The following COA1 variants were observed in gnomAD, a reference collection of about 807,000 sequenced individuals.
The protein encoded by COA1 is cytochrome c oxidase assembly factor 1, also known as cytochrome c oxidase assembly factor 1 homolog.
Under a neutral mutation model 16.0 loss-of-function variants are expected in COA1, and 13 were observed. The observed-to-expected ratio is 0.81, with a 90% confidence interval of 0.53 to 1.29. The LOEUF is 1.29. Ranked by LOEUF, COA1 falls within the 50% of genes most tolerant of loss-of-function variation. The probability of loss-of-function intolerance (pLI) is 0.00; values close to 1 mark genes in which losing one functional copy is unlikely to be tolerated. For missense variants in COA1, 179 were observed against 177.0 expected (o/e 1.01, Z -0.06); for synonymous variants, 65 against 65.7 (o/e 0.99, Z 0.05).
At chr7:43,678,433 G>A (rs1026068088) in intron 1 of COA1, among the ~76,000 whole-genome samples, 1 of 152,110 alleles carries the variant, frequency 6.6e-6, no homozygotes, top group African/African-American at 2.4e-5. Flanking sequence ...ATGATTACTT[G>A]GATATGATAT....
At chr7:43,630,948 G>A (rs1343327850) in intron 6 of COA1, among the ~76,000 whole-genome samples, 3 of 152,016 alleles carry the variant, frequency 2.0e-5, no homozygotes, top group Admixed American at 2.0e-4. Context: ...TGAGATCTAT[G>A]TCAGACAATT....
At chr7:43,715,617 T>C (rs75295951) in intron 1 of COA1, among the ~76,000 whole-genome samples, 4,990 of 152,348 alleles carry the variant, frequency 0.033, 105 homozygotes, top group Non-Finnish European at 0.048. Context: ...TCTCATTTCA[T>C]GTTGAAGTAT....
At chr7:43,691,073 A>AAC (rs2094265055) in intron 1 of COA1, among the ~76,000 whole-genome samples, 1 of 44,014 alleles carries the variant, frequency 2.3e-5, no homozygotes, top group Non-Finnish European at 3.8e-5. Flanking sequence ...AAAAAAAAAA[A>AAC]AAAACAAAAA....
chr7:43,674,527 A>C (rs913308902), intron 1 of COA1, among the ~76,000 whole-genome samples: 2 of 152,362 alleles, frequency 1.3e-5, no homozygotes, highest in East Asian at 3.9e-4. Context: ...AGAGTTGGAG[A>C]AATCACCCTA....
intron 1 of COA1, among the ~76,000 whole-genome samples, chr7:43,710,946 A>G (rs1311994048): frequency 6.6e-6 from 1 of 152,158 alleles, no homozygotes; most frequent in Non-Finnish European, 1.5e-5. Context: ...AGCAAGTCAC[A>G]TGGAAGCCTT....
intron 1 of COA1, among the ~76,000 whole-genome samples, chr7:43,686,473 A>G (rs1030369020): frequency 1.3e-5 from 2 of 151,260 alleles, no homozygotes; most frequent in Non-Finnish European, 2.9e-5. Context: ...CGCCCGGCTA[A>G]TTTTTTGTAT....
At chr7:43,719,149 G>A (rs111830951) in intron 1 of COA1, among the ~76,000 whole-genome samples, 16,887 of 151,926 alleles carry the variant, frequency 0.11, 1,054 homozygotes, top group Admixed American at 0.19. Flanking sequence ...TGTATTTTTA[G>A]TAGAGACGAG....
intron 1 of COA1, among the ~76,000 whole-genome samples, chr7:43,692,058 T>TTA (rs1276483538): frequency 1.3e-5 from 2 of 152,132 alleles, no homozygotes; most frequent in Non-Finnish European, 2.9e-5. Context: ...GGCCCCCAGC[T>TTA]TAGTATGGTT....
intron 1 of COA1, among the ~76,000 whole-genome samples, chr7:43,681,681 GACAC>G (rs1357938233): frequency 6.6e-6 from 1 of 152,176 alleles, no homozygotes; most frequent in Admixed American, 6.5e-5. Flanking sequence ...TGTACAGGCT[GACAC>G]ACACAGTCCA....
intron 1 of COA1, among the ~76,000 whole-genome samples, chr7:43,726,272 T>C (rs889232495): frequency 1.3e-5 from 2 of 152,196 alleles, no homozygotes; most frequent in Non-Finnish European, 2.9e-5. Flanking sequence ...TGAACACTCT[T>C]AGGCTAAATA....
intron 6 of COA1, among the ~76,000 whole-genome samples, chr7:43,617,195 C>T (rs1250660891): frequency 6.6e-6 from 1 of 152,046 alleles, no homozygotes; most frequent in Non-Finnish European, 1.5e-5. Context: ...AGAAGCTGGA[C>T]CTCAGGACAT....
At position 43,645,248 on chromosome 7, in the gene COA1, T is replaced by TAC. The variant is rs755244087; in HGVS notation, c.264+1_264+2dup. Reference sequence around the variant, plus strand: ...CCTGCGGTTCGCAGGGAAAGCACATTACCTTGGCATCAACAATGTCCACGA... The same window carrying TAC: ...CCTGCGGTTCGCAGGGAAAGCACATTACACCTTGGCATCAACAATGTCCACGA... On this transcript the variant is annotated splice_region_variant and intron_variant, in intron 4 of 5. Coordinates refer to ENST00000223336, the MANE Select transcript of COA1 (RefSeq NM_018224.4). 2.5e-6 allele frequency: 4 copies of TAC among 1,613,770 alleles called. No individual in the cohort carries two copies. Among genetic ancestry groups the TAC allele is most frequent in the Non-Finnish European group, 2.5e-6 (3 of 1,179,832 alleles).
At chr7:43,704,231 T>A (rs2094878781) in intron 1 of COA1, among the ~76,000 whole-genome samples, 1 of 152,208 alleles carries the variant, frequency 6.6e-6, no homozygotes, top group Non-Finnish European at 1.5e-5. Context: ...TCTATATAGC[T>A]GCCTTGAAGA....
intron 6 of COA1, chr7:43,619,825 T>C: frequency 2.1e-6 from 3 of 1,410,386 alleles, no homozygotes; most frequent in South Asian, 1.4e-5. Flanking sequence ...CTATCTACTA[T>C]GTTGAAATTC....
At chr7:43,697,557 TTAAGGTATGA>T (rs2094570919) in intron 1 of COA1, among the ~76,000 whole-genome samples, 2 of 152,172 alleles carry the variant, frequency 1.3e-5, no homozygotes, top group African/African-American at 4.8e-5. Flanking sequence ...AAGTGCTGGA[TTAAGGTATGA>T]GCCACCGCAC....
intron 1 of COA1, among the ~76,000 whole-genome samples, chr7:43,665,360 C>T (rs1477871962): frequency 6.6e-6 from 1 of 152,192 alleles, no homozygotes; most frequent in Admixed American, 6.5e-5. Context: ...ATCCAAGGAT[C>T]TGCAGTTGTG....
At chr7:43,701,125 T>C (rs1397160159) in intron 1 of COA1, among the ~76,000 whole-genome samples, 1 of 152,170 alleles carries the variant, frequency 6.6e-6, no homozygotes, top group Non-Finnish European at 1.5e-5. Flanking sequence ...ACTTTTTAGG[T>C]CTGTGGTATA....
intron 1 of COA1, among the ~76,000 whole-genome samples, chr7:43,715,873 G>A (rs762408311): frequency 2.0e-5 from 3 of 152,070 alleles, no homozygotes; most frequent in Non-Finnish European, 4.4e-5. Flanking sequence ...GGAGATAATC[G>A]AATCATGGGG....
intron 1 of COA1, among the ~76,000 whole-genome samples, chr7:43,662,694 TTAA>T (rs1483570200): frequency 1.3e-5 from 2 of 152,238 alleles, no homozygotes; most frequent in African/African-American, 4.8e-5. Flanking sequence ...GCCATTTATG[TTAA>T]TGTTACCTGG....
Sources: gnomAD v4.1 joint callset for allele counts (sites outside exome capture counted in the v4.1 genomes callset) on GRCh38, gnomAD v4.1.1 for gene constraint, MANE v1.5 for transcripts, NCBI Gene and HGNC (gene_info 2026-07-23, HGNC 2026-07-21) for gene names.